The following PCDHGB3 variants were observed in gnomAD, a reference collection of about 807,000 sequenced individuals.
PCDHGB3 encodes the protein protocadherin gamma subfamily B, 3.
Under a neutral mutation model 59.2 loss-of-function variants are expected in PCDHGB3, and 40 were observed. The observed-to-expected ratio is 0.68, with a 90% CI of 0.52 to 0.88. The LOEUF (loss-of-function observed/expected upper bound fraction) is 0.88. Ranked by LOEUF, PCDHGB3 falls within the 40% of genes least tolerant of loss-of-function variation. The probability of loss-of-function intolerance (pLI) is 0.00; values close to 1 mark genes in which losing one functional copy is unlikely to be tolerated. For synonymous variants in PCDHGB3, 581 were observed against 503.6 expected (o/e 1.15, Z -2.06); for missense variants, 1,309 against 1,187.9 (o/e 1.10, Z -1.50).
chr5:141,487,826 T>C lies in PCDHGB3; in HGVS notation c.2416-6981T>C, dbSNP rs1321152837. 24 of 1,187,814 alleles carry C rather than the reference T, an allele frequency of 2.0e-5. No homozygotes were observed. The highest frequency in any genetic ancestry group is 2.8e-5 in the Non-Finnish European group (24 of 856,356). The allele number at this position is 1,187,814 out of a possible 1,614,324, so 73.6% of individuals were successfully genotyped here. On this transcript the variant is annotated intron_variant, in intron 1 of 3. Coordinates refer to ENST00000576222, the MANE Select transcript of PCDHGB3 (RefSeq NM_018924.5). The surrounding 1 kb of genome is among the most constrained non-coding windows in gnomAD (Gnocchi z 5.0). ...ACAGTTTAGCATTGGGGGCGGGTCA[T>C]GCCTATATCTGAGTAAGAAATGAAA... is the stretch of plus-strand genomic sequence containing the variant.
intron 1 of PCDHGB3, chr5:141,392,627 G>T: frequency 1.7e-6 from 1 of 584,572 alleles, no homozygotes; most frequent in Non-Finnish European, 2.9e-6. Flanking sequence ...AAAACACTCA[G>T]ATCTCACACC....
At chr5:141,506,308 G>A (rs941724820) in intron 3 of PCDHGB3, among the ~76,000 whole-genome samples, 8 of 152,100 alleles carry the variant, frequency 5.3e-5, no homozygotes. Flanking sequence ...AATTAGCTGG[G>A]CATGGTGGTG....
At chr5:141,374,174 A>T in intron 1 of PCDHGB3, 1 of 1,613,482 alleles carries the variant, frequency 6.2e-7, no homozygotes, top group South Asian at 1.1e-5. Flanking sequence ...GGCAGCGCAG[A>T]TCCGCTACTC....
intron 1 of PCDHGB3, chr5:141,419,315 C>G (rs2096357855): frequency 1.2e-6 from 2 of 1,613,998 alleles, no homozygotes; most frequent in Non-Finnish European, 1.7e-6. Flanking sequence ...GCTCAACGGC[C>G]GTGTCTCCTA....
rs972633773 is a variant in PCDHGB3, at chr5:141,489,751, A to T, written c.2416-5056A>T. ...GGGCACCAATACTGTGAGCTTTTAC[A>T]CTCTAAGCCCCAACAGCCACTTCTC... On this transcript the variant is annotated intron_variant, in intron 1 of 3. Coordinates refer to ENST00000576222, the MANE Select transcript of PCDHGB3 (RefSeq NM_018924.5). The surrounding 1 kb of genome is among the most constrained non-coding windows in gnomAD (Gnocchi z 4.5). The T allele has an allele frequency of 1.9e-6, 3 of 1,613,740 alleles. No individual in the cohort carries two copies. Among genetic ancestry groups the T allele is most frequent in the African/African-American group, 2.7e-5 (2 of 74,840 alleles).
At chr5:141,494,724 T>C in intron 1 of PCDHGB3, 83 bp from the exon 2 acceptor site, 1 of 1,606,108 alleles carries the variant, frequency 6.2e-7, no homozygotes, top group South Asian at 1.1e-5. Flanking sequence ...CCCCTCCTTC[T>C]CTCCCGGCCC....
intron 1 of PCDHGB3, chr5:141,423,750 TGGGGGG>T: frequency 3.5e-6 from 1 of 287,482 alleles, no homozygotes; most frequent in Non-Finnish European, 4.5e-6. Flanking sequence ...GAAAACTGTT[TGGGGGG>T]GGGGTGGGGC....
chr5:141,478,927 C>T (rs2154577116), intron 1 of PCDHGB3: 2 of 690,162 alleles, frequency 2.9e-6, no homozygotes, highest in East Asian at 6.0e-5. Flanking sequence ...TAACCAGTGG[C>T]AGCTTCTAGG....
chr5:141,471,017 A>G (rs989277146), intron 1 of PCDHGB3, among the ~76,000 whole-genome samples: 3 of 143,850 alleles, frequency 2.1e-5, no homozygotes, highest in African/African-American at 7.8e-5. Context: ...GTGCCTGGTC[A>G]ATCATTTTTA....
At chr5:141,402,945 A>T (rs2094324619) in intron 1 of PCDHGB3, 2 of 1,593,720 alleles carry the variant, frequency 1.3e-6, no homozygotes, top group Admixed American at 3.6e-5. Flanking sequence ...TTCCAAAGCG[A>T]GGCAGCAATG....
rs1183407162 is a variant in PCDHGB3 at position 141,422,793 on chromosome 5, C to G, written c.2415+49984C>G. 3 of 1,614,110 alleles carry G rather than the reference C, an allele frequency of 1.9e-6. No individual in the cohort carries two copies. The South Asian group carries it at 3.3e-5, about 18-fold the overall frequency. On this transcript the variant is annotated intron_variant, in intron 1 of 3. Transcript: ENST00000576222. Reference sequence around the variant, plus strand: ...TTCTCTATGCCCTACAATCCTTCGACTATGAGCAGTTTCGAGACTTAGAAC... The same window carrying G: ...TTCTCTATGCCCTACAATCCTTCGAGTATGAGCAGTTTCGAGACTTAGAAC...
At position 141,371,145 on chromosome 5, in the gene PCDHGB3, G is replaced by A. The variant is rs144065486; in HGVS notation, c.751G>A (p.Val251Ile). Reference protein sequence around the residue: ...VFTQDMYRVNVAENLPAGSSV... With the variant: ...VFTQDMYRVNIAENLPAGSSV... The stretch of plus-strand genomic sequence containing the variant: ...TACTCAGGACATGTACAGGGTCAAT[G>A]TTGCAGAGAACCTGCCCGCTGGCTC... Residue 251 changes from valine to isoleucine, a missense_variant, in exon 1 of 4, where the codon GTT becomes ATT. Coordinates refer to ENST00000576222, the MANE Select transcript of PCDHGB3 (RefSeq NM_018924.5). 54 of 1,614,030 alleles carry A rather than the reference G, an allele frequency of 3.3e-5. No individual in the cohort carries two copies. The African/African-American group carries it at 6.0e-4, about 18-fold the overall frequency.
chr5:141,399,738 G>C (rs1484510317), intron 1 of PCDHGB3: 2 of 1,613,268 alleles, frequency 1.2e-6, no homozygotes, highest in African/African-American at 1.3e-5. Flanking sequence ...GCTCGCCTGC[G>C]CTCAGCGCAA....
intron 1 of PCDHGB3, chr5:141,393,310 C>A (rs775937552): frequency 1.2e-6 from 2 of 1,613,388 alleles, no homozygotes; most frequent in African/African-American, 2.7e-5. Flanking sequence ...GGCGTGAACT[C>A]CCTCCAGAGC....
intron 1 of PCDHGB3, chr5:141,413,709 C>T (rs998398149): frequency 2.4e-5 from 39 of 1,613,536 alleles, no homozygotes; most frequent in Non-Finnish European, 3.3e-5. Flanking sequence ...AGCTCAGCCC[C>T]AATAAGCACT....
At chr5:141,459,303 T>C (rs1419156629) in intron 1 of PCDHGB3, among the ~76,000 whole-genome samples, 1 of 152,242 alleles carries the variant, frequency 6.6e-6, no homozygotes, top group Non-Finnish European at 1.5e-5. Context: ...CTATAACATA[T>C]ACTATTTTGT....
At chr5:141,374,562 C>T in intron 1 of PCDHGB3, 2 of 1,613,702 alleles carry the variant, frequency 1.2e-6, no homozygotes, top group Non-Finnish European at 1.7e-6. Flanking sequence ...GTCTATGACC[C>T]TGATGTGGGA....
At chr5:141,419,762 AAGGACTCG>A (rs1468964539) in intron 1 of PCDHGB3, 2 of 1,614,008 alleles carry the variant, frequency 1.2e-6, no homozygotes, top group South Asian at 2.2e-5. Context: ...TTTGGGTGAC[AAGGACTCG>A]GTCCGCCAGC....
intron 1 of PCDHGB3, among the ~76,000 whole-genome samples, chr5:141,406,668 G>A (rs1415631899): frequency 3.3e-5 from 5 of 152,122 alleles, no homozygotes; most frequent in African/African-American, 7.2e-5. Flanking sequence ...TTAAATTATG[G>A]AGAATAGTAG....
Sources: gnomAD v4.1 joint callset for allele counts (sites outside exome capture counted in the v4.1 genomes callset) on GRCh38, gnomAD v4.1.1 for gene constraint, Gnocchi (gnomAD v3.1) non-coding constraint, MANE v1.5 for transcripts, NCBI Gene and HGNC (gene_info 2026-07-23, HGNC 2026-07-21) for gene names.